The following PLCH1 variants were observed in gnomAD, a reference collection of about 807,000 sequenced individuals.
PLCH1 encodes the protein phospholipase C eta 1, also known as 1-phosphatidylinositol 4,5-bisphosphate phosphodiesterase eta-1.
A neutral mutation model predicts 126.7 loss-of-function variants in PLCH1; 60 were observed. The ratio of observed to expected loss-of-function variants is 0.47; its 90% CI spans 0.38 to 0.59. The LOEUF is 0.59. Ranked by LOEUF, PLCH1 falls within the 20% of genes least tolerant of loss-of-function variation. The pLI is 0.00. For synonymous variants in PLCH1, 719 were observed against 734.9 expected, an observed-to-expected ratio of 0.98 and a Z score of 0.35; for missense variants, 1,723 against 2,040.0, an observed-to-expected ratio of 0.84 and a Z score of 2.99.
chr3:155,542,957 T>G (rs1724586121), intron 10 of PLCH1, among the ~76,000 whole-genome samples: 1 of 152,036 alleles, frequency 6.6e-6, no homozygotes, highest in Admixed American at 6.6e-5. Flanking sequence ...GCAGAAAAAC[T>G]GGAAACTCTA....
chr3:155,481,219 C>A lies in PLCH1; in HGVS notation c.4807G>T (p.Ala1603Ser), dbSNP rs1270235806. 1.9e-6 allele frequency: 3 copies of A among 1,614,188 alleles called. No individual in the cohort carries two copies. The highest frequency in any genetic ancestry group is 2.5e-6 in the Non-Finnish European group (3 of 1,180,040). Residue 1603 changes from alanine to serine, a missense_variant, in exon 23 of 23, where the codon GCA becomes TCA. Ala to Ser is a moderately conservative substitution (Grantham distance 99). Coordinates refer to ENST00000460012, the MANE Select transcript of PLCH1 (RefSeq NM_014996.4). The surrounding 1 kb of genome is among the most constrained non-coding windows in gnomAD (Gnocchi z 4.2). ...KQKVPNPSNG[A>S]GVVLRNKPSA... ...GGTTTGTTTCTAAGAACCACTCCTG[C>A]CCCATTGCTGGGGTTTGGAACTTTC...
intron 8 of PLCH1, among the ~76,000 whole-genome samples, chr3:155,560,670 C>A (rs562092507): frequency 6.6e-6 from 1 of 152,116 alleles, no homozygotes; most frequent in Non-Finnish European, 1.5e-5. Flanking sequence ...CAAAGAAAGG[C>A]CCTTCCAGTT....
chr3:155,453,592 T>C (rs1712366557), intron 21 of PLCH1, among the ~76,000 whole-genome samples: 1 of 152,044 alleles, frequency 6.6e-6, no homozygotes, highest in Non-Finnish European at 1.5e-5. Context: ...ATTCAATGCA[T>C]AAATGTCTGG....
chr3:155,533,426 A>G (rs143972157), intron 10 of PLCH1, among the ~76,000 whole-genome samples: 2 of 152,284 alleles, frequency 1.3e-5, no homozygotes, highest in African/African-American at 4.8e-5. Flanking sequence ...CATGCCTGTA[A>G]TCCCAGCTAC....
In PLCH1 at chr3:155,593,910, A is replaced by G. The variant is rs751679845; in HGVS notation, c.470+31T>C. On this transcript the variant is annotated intron_variant, in intron 4 of 22. Transcript: ENST00000460012. ...CACACGCATACACAGAGAGCAAGAG[A>G]GAGCTGAAAATAAAGTTCTAGAAAG... The G allele has an allele frequency of 3.7e-6, 6 of 1,608,994 alleles. No homozygotes were observed. In the African/African-American group the frequency reaches 6.7e-5, roughly 18 times the overall value.
intron 2 of PLCH1, among the ~76,000 whole-genome samples, chr3:155,604,299 C>CT (rs1383700372): frequency 6.6e-5 from 10 of 152,150 alleles, no homozygotes; most frequent in African/African-American, 2.4e-4. Context: ...AATAAATGTG[C>CT]TTACAAACAA....
At chr3:155,520,479 A>G (rs1720938444) in intron 11 of PLCH1, among the ~76,000 whole-genome samples, 1 of 152,240 alleles carries the variant, frequency 6.6e-6, no homozygotes, top group African/African-American at 2.4e-5. Flanking sequence ...AGCTTTACGT[A>G]GGAGATACAG....
chr3:155,583,571 A>T lies in PLCH1; in HGVS notation c.672T>A (p.Ser224=), dbSNP rs1730979481. The T allele has an allele frequency of 6.2e-7, 1 of 1,604,050 alleles. No homozygotes were observed. The highest frequency in any genetic ancestry group is 1.3e-5 in the African/African-American group (1 of 74,420). The change falls in exon 6 of 23, where the codon TCT becomes TCA. Residue 224 remains serine (S), a synonymous_variant. Coordinates refer to ENST00000460012, the MANE Select transcript of PLCH1 (RefSeq NM_014996.4). ...EEFCVFYKMM[S]LRRDLYLLLL... is the part of the protein sequence containing the mutation. ...GTAACAAATAAAGGTCTCGTCTCAAAGACATCATTTTGTAAAAAACACAGA... is the reference window on the plus strand; with the variant it reads ...GTAACAAATAAAGGTCTCGTCTCAATGACATCATTTTGTAAAAAACACAGA...
intron 13 of PLCH1, among the ~76,000 whole-genome samples, chr3:155,503,064 GTGTA>G (rs1218156611): frequency 6.6e-6 from 1 of 152,214 alleles, no homozygotes; most frequent in Non-Finnish European, 1.5e-5. Context: ...CACCAGATTA[GTGTA>G]ACATCTTTTT....
intron 10 of PLCH1, among the ~76,000 whole-genome samples, chr3:155,544,139 C>A (rs910832585): frequency 3.9e-5 from 6 of 152,070 alleles, no homozygotes; most frequent in Non-Finnish European, 8.8e-5. Flanking sequence ...ATTCAGGAAA[C>A]CCATCTCACG....
chr3:155,489,486 G>C (rs1328603394), intron 19 of PLCH1, among the ~76,000 whole-genome samples: 2 of 152,122 alleles, frequency 1.3e-5, no homozygotes, highest in African/African-American at 4.8e-5. Context: ...TTTTGTAGTT[G>C]AGAAAATTGA....
chr3:155,511,707 G>A (rs975471649), intron 12 of PLCH1, among the ~76,000 whole-genome samples: 10 of 142,800 alleles, frequency 7.0e-5, no homozygotes, highest in Non-Finnish European at 6.1e-5. Flanking sequence ...CAGTCTGCCC[G>A]TTCTCAGATC....
chr3:155,635,102 T>A (rs1286514131), intron 2 of PLCH1, among the ~76,000 whole-genome samples: 1 of 151,246 alleles, frequency 6.6e-6, no homozygotes, highest in East Asian at 2.0e-4. Flanking sequence ...CTCTAACACA[T>A]AATAATGGCA....
chr3:155,503,260 G>A (rs1282228243), intron 13 of PLCH1, among the ~76,000 whole-genome samples: 1 of 152,066 alleles, frequency 6.6e-6, no homozygotes, highest in Non-Finnish European at 1.5e-5. Context: ...TAACTATTCT[G>A]ATGTCTACTC....
rs1346445266 is a variant in PLCH1, at chr3:155,481,640, G to A, written c.4386C>T (p.Val1462=). ...GATGTGCCAACTGCTTGGGTACAGG[G>A]ACATGCATATCTTGAGCACTAGATT... The part of the protein sequence containing the change: ...PQQSSAQDMH[V]PVPKQLAHLP... Residue 1462 remains valine (V), a synonymous_variant, in exon 23 of 23, where the codon GTC becomes GTT. Transcript: ENST00000460012. This position sits in a 1 kb window ranked among gnomAD's most constrained non-coding sequence, Gnocchi z 4.2. The A allele has an allele frequency of 6.2e-7, 1 of 1,614,094 alleles. No homozygotes were observed. Among genetic ancestry groups the A allele is most frequent in the Non-Finnish European group, 8.5e-7 (1 of 1,179,998 alleles).
chr3:155,603,185 C>A (rs1733961140), intron 2 of PLCH1, among the ~76,000 whole-genome samples: 1 of 152,138 alleles, frequency 6.6e-6, no homozygotes, highest in Admixed American at 6.5e-5. Context: ...GCAAGACAAT[C>A]TTTTTAGTAA....
intron 10 of PLCH1, among the ~76,000 whole-genome samples, chr3:155,532,096 C>A (rs1220202878): frequency 6.6e-6 from 1 of 152,230 alleles, no homozygotes; most frequent in Non-Finnish European, 1.5e-5. Flanking sequence ...TTTAACACAT[C>A]TTCCTCACTA....
At chr3:155,727,914 T>C (rs970645551) in intron 1 of PLCH1, among the ~76,000 whole-genome samples, 4 of 152,080 alleles carry the variant, frequency 2.6e-5, no homozygotes, top group African/African-American at 9.6e-5. Flanking sequence ...TTTTTCTAAT[T>C]CACACTTACA....
chr3:155,554,128 G>A lies in PLCH1; in HGVS notation c.1138C>T (p.Leu380Phe). Residue 380 changes from leucine (L) to phenylalanine (F), a missense_variant, in exon 9 of 23, where the codon CTC (leucine) becomes TTC (phenylalanine). Physicochemically the swap from Leu to Phe is conservative, Grantham distance 22. Around this residue, in one of 2 missense-constraint regions of PLCH1, gnomAD observed 776 missense variants for 1,062.9 expected, o/e 0.73. Transcript: ENST00000460012. ...HHGYTLTSKI[L>F]FRDVVETINK... ...ATGGTCTCCACAACATCTCTGAAGA[G>A]AATTTTTGAAGTGAGAGTGTAACCA... is the stretch of plus-strand genomic sequence containing the variant. 6.2e-7 allele frequency: 1 copy of A among 1,613,810 alleles called. No individual in the cohort carries two copies. The highest frequency in any genetic ancestry group is 1.3e-5 in the African/African-American group (1 of 75,020).
Sources: gnomAD v4.1 joint callset for allele counts (sites outside exome capture counted in the v4.1 genomes callset) on GRCh38, gnomAD v4.1.1 for gene constraint, gnomAD v4.1.1 regional missense constraint, Gnocchi (gnomAD v3.1) non-coding constraint, MANE v1.5 for transcripts, NCBI Gene and HGNC (gene_info 2026-07-23, HGNC 2026-07-21) for gene names.